The following ITPK1 variants were observed in gnomAD, a reference collection of about 807,000 sequenced individuals.
ITPK1 encodes inositol-tetrakisphosphate 1-kinase, also known as inositol 1,3,4-trisphosphate 5/6-kinase.
Under a neutral mutation model 45.3 loss-of-function variants are expected in ITPK1, and 21 were observed. The observed-to-expected ratio is 0.46, with a 90% CI of 0.33 to 0.67. ITPK1 has a LOEUF of 0.67. ITPK1 is among the 30% of genes least tolerant of loss of function. The pLI, the probability that ITPK1 is intolerant of heterozygous loss-of-function variation, is 0.02. For synonymous variants in ITPK1, 258 were observed against 253.6 expected, an observed-to-expected ratio of 1.02 and a Z score of -0.16; for missense variants, 474 against 573.5, an observed-to-expected ratio of 0.83 and a Z score of 1.77.
intron 3 of ITPK1, among the ~76,000 whole-genome samples, chr14:93,020,894 A>G (rs1287449995): frequency 2.0e-5 from 3 of 152,082 alleles, no homozygotes; most frequent in Non-Finnish European, 4.4e-5. Context: ...AGCACTTCAC[A>G]TGCACTGAGT....
intron 4 of ITPK1, among the ~76,000 whole-genome samples, chr14:92,997,203 T>A (rs970133475): frequency 6.6e-6 from 1 of 152,196 alleles, no homozygotes; most frequent in Non-Finnish European, 1.5e-5. Flanking sequence ...AGAACACAGA[T>A]GTGCTCCTTC....
At chr14:92,950,563 C>A (rs895645058) in intron 9 of ITPK1, among the ~76,000 whole-genome samples, 1 of 152,226 alleles carries the variant, frequency 6.6e-6, no homozygotes, top group Non-Finnish European at 1.5e-5. Context: ...CTAGGCTGAC[C>A]CCTTCCCGTT....
In ITPK1 at chr14:92,946,392, G is replaced by A. The variant is rs749034342; in HGVS notation, c.840C>T (p.Ile280=). 34 of 1,613,406 alleles carry A rather than the reference G, an allele frequency of 2.1e-5. No homozygotes were observed. The highest frequency in any genetic ancestry group is 1.7e-4 in the Admixed American group (10 of 60,030). ...CTGTCTGGTTGTTGATGATGATGTCGATGCCGAAGAGTGACACGCCCAGTG... is the reference window on the plus strand; with the variant it reads ...CTGTCTGGTTGTTGATGATGATGTCAATGCCGAAGAGTGACACGCCCAGTG... ...RQALGVSLFG[I]DIIINNQTGQ... The change falls in exon 10 of 11, where the codon ATC becomes ATT. Residue 280 remains isoleucine, a synonymous_variant. Coordinates refer to ENST00000267615, the MANE Select transcript of ITPK1 (RefSeq NM_014216.6).
chr14:92,950,180 G>T (rs567000311), intron 9 of ITPK1, among the ~76,000 whole-genome samples: 1 of 152,260 alleles, frequency 6.6e-6, no homozygotes, highest in Admixed American at 6.5e-5. Context: ...CTCCAAGTTC[G>T]GTGGGGCTAG....
rs114560172 is a variant in ITPK1 at position 92,962,922 on chromosome 14, G to A, written c.365-73C>T. The A allele has an allele frequency of 4.6e-3, 4,770 of 1,038,656 alleles. 166 individuals carry two copies. The African/African-American group carries it at 0.067, about 15-fold the overall frequency. The allele number at this position is 1,038,656 out of a possible 1,614,324, so 64.3% of individuals were successfully genotyped here. A position where few individuals can be genotyped will look rare whatever the true frequency, so the allele number is the denominator to read the frequency against. On this transcript the variant is annotated intron_variant, in intron 5 of 10. Coordinates refer to ENST00000267615, the MANE Select transcript of ITPK1 (RefSeq NM_014216.6). ...CCAGGTGCACGTCCTGTGACAGCCC[G>A]CCCCACCCCAGGGGCCTTCAGTGCC... is the stretch of plus-strand genomic sequence containing the variant.
intron 3 of ITPK1, chr14:93,066,404 A>ATT: frequency 1.5e-5 from 5 of 329,170 alleles, no homozygotes; most frequent in Admixed American, 4.2e-5. Context: ...ACATTTAGCA[A>ATT]TTCTTTTTTT....
intron 3 of ITPK1, among the ~76,000 whole-genome samples, chr14:93,033,036 A>G (rs1410197805): frequency 1.3e-5 from 2 of 152,232 alleles, no homozygotes; most frequent in African/African-American, 4.8e-5. Flanking sequence ...ATCTGTGCCA[A>G]TGCCCTGCCA....
At chr14:92,947,348 T>C (rs1322767716) in intron 9 of ITPK1, among the ~76,000 whole-genome samples, 3 of 152,156 alleles carry the variant, frequency 2.0e-5, no homozygotes, top group Non-Finnish European at 4.4e-5. Flanking sequence ...AGCCCGGCAC[T>C]CCCCTCTGCC....
Position 93,063,436 on chromosome 14 carries a change from C to G in ITPK1, c.120+13159G>C, listed in dbSNP as rs554154810. On this transcript the variant is annotated intron_variant, in intron 3 of 10. Coordinates refer to ENST00000267615, the MANE Select transcript of ITPK1 (RefSeq NM_014216.6). This position sits in a 1 kb window ranked among gnomAD's most constrained non-coding sequence, Gnocchi z 4.3. ...AGAAAACCAGTGAGCTTCCCACTCCCCACAGCCCCACACAGCACACTAAGC... is the reference window on the plus strand; with the variant it reads ...AGAAAACCAGTGAGCTTCCCACTCCGCACAGCCCCACACAGCACACTAAGC... Among the ~76,000 whole-genome samples, 13 of 152,292 alleles carry G rather than the reference C, an allele frequency of 8.5e-5. No homozygotes were observed. The highest frequency in any genetic ancestry group is 1.6e-4 in the Non-Finnish European group (11 of 68,010).
At position 92,938,551 on chromosome 14, in the gene ITPK1, C is replaced by T; in HGVS notation, c.*3010G>A. On this transcript the variant is annotated 3_prime_UTR_variant, in exon 11 of 11. Transcript: ENST00000267615. ...CCTGGGTACAGAGAGGAATGTTTTT[C>T]CCAGGTTGCTTTCTCCTTTATTGAC... 6.2e-7 allele frequency: 1 copy of T among 1,606,302 alleles called. No homozygotes were observed. Among genetic ancestry groups the T allele is most frequent in the Non-Finnish European group, 8.5e-7 (1 of 1,173,160 alleles).
chr14:92,991,957 C>T (rs1380033563), intron 5 of ITPK1, among the ~76,000 whole-genome samples: 1 of 152,190 alleles, frequency 6.6e-6, no homozygotes, highest in Non-Finnish European at 1.5e-5. Context: ...CCCCTGACCC[C>T]GTGGCTGAAC....
intron 2 of ITPK1, among the ~76,000 whole-genome samples, chr14:93,081,394 T>G (rs1450292463): frequency 6.6e-6 from 1 of 152,076 alleles, no homozygotes; most frequent in African/African-American, 2.4e-5. Flanking sequence ...GTCATTGTAT[T>G]GATAAATATT....
At chr14:92,946,065 G>A (rs541028960) in intron 10 of ITPK1, among the ~76,000 whole-genome samples, 1 of 152,326 alleles carries the variant, frequency 6.6e-6, no homozygotes, top group South Asian at 2.1e-4. Flanking sequence ...AATGACGCAG[G>A]TGGAGAGAGG....
chr14:93,091,314 C>CA (rs1337237678), intron 2 of ITPK1, among the ~76,000 whole-genome samples: 1 of 152,222 alleles, frequency 6.6e-6, no homozygotes, highest in Non-Finnish European at 1.5e-5. Flanking sequence ...ATGAAGCCAA[C>CA]AACGGCGCCA....
intron 3 of ITPK1, among the ~76,000 whole-genome samples, chr14:93,049,260 T>A (rs543670194): frequency 6.6e-6 from 1 of 152,282 alleles, no homozygotes; most frequent in South Asian, 2.1e-4. Context: ...GAATCCTGTG[T>A]GGAAGGCCTC....
intron 3 of ITPK1, among the ~76,000 whole-genome samples, chr14:93,038,807 G>A (rs528813780): frequency 2.0e-5 from 3 of 152,340 alleles, no homozygotes; most frequent in Non-Finnish European, 2.9e-5. Flanking sequence ...GATTACAGGC[G>A]TGAGCCACCG....
chr14:93,092,973 T>G (rs1378949045), intron 2 of ITPK1, among the ~76,000 whole-genome samples: 2 of 152,152 alleles, frequency 1.3e-5, no homozygotes, highest in Non-Finnish European at 2.9e-5. Context: ...ACCATAATAG[T>G]CTTTCCCTAG....
In ITPK1 at chr14:92,958,137, G is replaced by T; in HGVS notation, c.670+64C>A. On this transcript the variant is annotated intron_variant, in intron 8 of 10. Transcript: ENST00000267615. This position sits in a 1 kb window ranked among gnomAD's most constrained non-coding sequence, Gnocchi z 4.4. ...GGGCAGTGCCGAAGGACAGACAGCTGCTGCCACATCCCAGCTGGGCCCCTG... is the reference window on the plus strand; with the variant it reads ...GGGCAGTGCCGAAGGACAGACAGCTTCTGCCACATCCCAGCTGGGCCCCTG... 1 of 1,524,992 alleles carries T rather than the reference G, an allele frequency of 6.6e-7. No individual in the cohort carries two copies. Among genetic ancestry groups the T allele is most frequent in the Non-Finnish European group, 9.1e-7 (1 of 1,100,408 alleles). The allele number at this position is 1,524,992 out of a possible 1,614,324, so 94.5% of individuals were successfully genotyped here.
chr14:92,943,088 C>A (rs1210843779), intron 10 of ITPK1, among the ~76,000 whole-genome samples: 1 of 152,236 alleles, frequency 6.6e-6, no homozygotes, highest in East Asian at 1.9e-4. Context: ...CAGGTGCCCG[C>A]GGTGGAAATA....
Sources: allele counts gnomAD v4.1 joint callset (sites outside exome capture counted in the v4.1 genomes callset), GRCh38; gene constraint gnomAD v4.1.1; non-coding constraint Gnocchi (gnomAD v3.1); transcripts MANE v1.5; gene names NCBI Gene and HGNC (gene_info 2026-07-23, HGNC 2026-07-21).